The following MEIS3 variants were observed in gnomAD, a reference collection of about 807,000 sequenced individuals.
MEIS3 encodes Meis homeobox 3, also known as homeobox protein Meis3.
In MEIS3, 38 loss-of-function variants were observed where a neutral mutation model predicts 51.4. The ratio of observed to expected loss-of-function variants is 0.74; its 90% confidence interval spans 0.57 to 0.97. The LOEUF is 0.97. Ranked by LOEUF, MEIS3 falls within the 50% of genes least tolerant of loss-of-function variation. The pLI is 0.00. For synonymous variants in MEIS3, 198 were observed against 201.8 expected (o/e 0.98, Z 0.16); for missense variants, 456 against 502.6 (o/e 0.91, Z 0.89).
chr19:47,417,227 G>C lies in MEIS3; in HGVS notation c.136C>G (p.Pro46Ala). Residue 46 changes from proline (P) to alanine (A), a missense_variant, in exon 2 of 13, where the codon CCA (proline) becomes GCA (alanine). By Grantham distance (27) the Pro-to-Ala change is conservative. Coordinates refer to ENST00000558555, the MANE Select transcript of MEIS3 (RefSeq NM_001301059.2). ...GPHRPPQPLP[P>A]GLDSDGLKRE... ...TTCAGGCCGTCGCTGTCCAAGCCTGGGGGCAGGGGCTGGGGAGGCCGGTGC... is the reference window on the plus strand; with the variant it reads ...TTCAGGCCGTCGCTGTCCAAGCCTGCGGGCAGGGGCTGGGGAGGCCGGTGC... The C allele has an allele frequency of 6.3e-7, 1 of 1,589,948 alleles. No homozygotes were observed.
intron 12 of MEIS3, among the ~76,000 whole-genome samples, chr19:47,405,473 T>A (rs191789726): frequency 6.6e-6 from 1 of 152,268 alleles, no homozygotes; most frequent in Admixed American, 6.5e-5. Context: ...CACTGGATTG[T>A]CACTGGGGTT....
chr19:47,417,925 ACACACACATG>A lies in MEIS3; in HGVS notation c.13-585_13-576del, dbSNP rs1568431303. The A allele has an allele frequency of 1.9e-3, 1,084 of 566,282 alleles. 7 individuals are homozygous for A. In the African/African-American group the frequency reaches 0.019, roughly 10 times the overall value. 35.1% of individuals were successfully genotyped at this position (566,282 alleles called of 1,614,324 possible). A position where few individuals can be genotyped will look rare whatever the true frequency, so the allele number is the denominator to read the frequency against. On this transcript the variant is annotated intron_variant, in intron 1 of 12. Coordinates refer to ENST00000558555, the MANE Select transcript of MEIS3 (RefSeq NM_001301059.2). ...CAGTCACACCCAAATCCCCCCCCCC[ACACACACATG>A]CACACACACATGCACACAGCCCAAC...
In MEIS3 at chr19:47,403,506, G is replaced by A; in HGVS notation, c.*65C>T. On this transcript the variant is annotated 3_prime_UTR_variant, in exon 13 of 13. Transcript: ENST00000558555. ...GGTCCTGAAGCTGGAGGACCAGGCG[G>A]GAACCAGAGGCAGGTGTGAGGCTGG... 2.2e-6 allele frequency: 1 copy of A among 455,950 alleles called. No individual in the cohort carries two copies. Among genetic ancestry groups the A allele is most frequent in the South Asian group, 1.6e-5 (1 of 64,466 alleles). The allele number at this position is 455,950 out of a possible 1,614,324, so 28.2% of individuals were successfully genotyped here.
At position 47,419,253 on chromosome 19, in the gene MEIS3, G is replaced by A. The variant is rs963936328; in HGVS notation, c.-172C>T. Reference sequence around the variant, plus strand: ...CCGTCAGCGGCAGGCGCCGGGCCGGGTGGGGACTCCGCGCATGGACCCCGG... The same window carrying A: ...CCGTCAGCGGCAGGCGCCGGGCCGGATGGGGACTCCGCGCATGGACCCCGG... On this transcript the variant is annotated 5_prime_UTR_variant, in exon 1 of 13. Transcript: ENST00000558555. 1.4e-4 allele frequency: 47 copies of A among 339,900 alleles called. No homozygotes were observed. The highest frequency in any genetic ancestry group is 2.0e-4 in the Non-Finnish European group (40 of 196,256). The allele number at this position is 339,900 out of a possible 1,614,324, so 21.1% of individuals were successfully genotyped here. A position where few individuals can be genotyped will look rare whatever the true frequency, so the allele number is the denominator to read the frequency against.
At position 47,414,855 on chromosome 19, in the gene MEIS3, C is replaced by T. The variant is rs769229453; in HGVS notation, c.459G>A (p.Leu153=). ...TGTAGCGGTGACAGAAGTTGTCGCA[C>T]AGGTCGTGGACCTGGGGGGGCACCG... is the stretch of plus-strand genomic sequence containing the variant. ...HLLELEKVHD[L]CDNFCHRYIT... is the part of the protein sequence containing the mutation. Residue 153 remains leucine, a synonymous_variant, in exon 6 of 13, where the codon CTG becomes CTA. Coordinates refer to ENST00000558555, the MANE Select transcript of MEIS3 (RefSeq NM_001301059.2). 10 of 1,602,474 alleles carry T rather than the reference C, an allele frequency of 6.2e-6. No homozygotes were observed. The East Asian group carries it at 2.0e-4, about 32-fold the overall frequency.
At chr19:47,418,793 G>A in intron 1 of MEIS3, 1 of 359,568 alleles carries the variant, frequency 2.8e-6, no homozygotes, top group Non-Finnish European at 5.0e-6. Flanking sequence ...CAGAAAGGAG[G>A]AGGAGAGTGG....
Position 47,409,484 on chromosome 19 carries a change from A to G in MEIS3, c.661T>C (p.Ser221Pro), listed in dbSNP as rs1971016953. 6.2e-7 allele frequency: 1 copy of G among 1,614,082 alleles called. No homozygotes were observed. The stretch of plus-strand genomic sequence containing the variant: ...CTCTGGGAGGCCAGGCCCCCACTGG[A>G]TGGACCTGGGGTCCCCAAATGTACA... ...GSVHLGTPGP[S>P]SGGLASQSGD... The change falls in exon 7 of 13, where the codon TCC (serine) becomes CCC (proline). Residue 221 changes from serine (S) to proline (P), a missense_variant. Ser to Pro is a moderately conservative substitution (Grantham distance 74). Coordinates refer to ENST00000558555, the MANE Select transcript of MEIS3 (RefSeq NM_001301059.2).
upstream of MEIS3, among the ~76,000 whole-genome samples, chr19:47,422,168 C>A (rs1298694487): frequency 6.6e-6 from 1 of 152,114 alleles, no homozygotes; most frequent in East Asian, 1.9e-4. Flanking sequence ...CTTCCCCTCC[C>A]GCCCCACCAA....
rs775089659 is a variant in MEIS3, at chr19:47,416,906, G to A, written c.243C>T (p.Cys81=). 6.2e-7 allele frequency: 1 copy of A among 1,612,702 alleles called. No individual in the cohort carries two copies. The highest frequency in any genetic ancestry group is 1.7e-5 in the Admixed American group (1 of 59,694). ...LVFEKCELAT[C]SPRDGAGAGL... ...CAGCTCCGGCCCCGTCACGGGGAGA[G>A]CATGTAGCCAGTTCACATTTCTCAA... Residue 81 remains cysteine (C), a synonymous_variant, in exon 3 of 13, where the codon TGC becomes TGT. Coordinates refer to ENST00000558555, the MANE Select transcript of MEIS3 (RefSeq NM_001301059.2).
At chr19:47,419,005 TG>T in intron 1 of MEIS3, 64 bp downstream of exon 1, 1 of 842,994 alleles carries the variant, frequency 1.2e-6, no homozygotes, top group Non-Finnish European at 1.4e-6. Flanking sequence ...CGCCGGAGAG[TG>T]GGGGATGCAG....
Position 47,409,365 on chromosome 19 carries a change from TCTTA to T in MEIS3, c.709+67_709+70del, listed in dbSNP as rs533584454. The T allele has an allele frequency of 3.8e-6, 6 of 1,576,560 alleles. No individual in the cohort carries two copies. In the South Asian group the frequency reaches 5.5e-5, roughly 15 times the overall value. ...CCAGCCATCTCTGCCCCTCTACAAG[TCTTA>T]CTTGCGATCTAACTTCAATCCTCTG... On this transcript the variant is annotated intron_variant, in intron 7 of 12. Coordinates refer to ENST00000558555, the MANE Select transcript of MEIS3 (RefSeq NM_001301059.2).
intron 4 of MEIS3, among the ~76,000 whole-genome samples, chr19:47,415,417 CT>C (rs1216401696): frequency 6.6e-6 from 1 of 152,082 alleles, no homozygotes; most frequent in Non-Finnish European, 1.5e-5. Flanking sequence ...CATCCTCTGC[CT>C]GTTGGCCCCC....
chr19:47,419,046 C>T (rs1189232898), intron 1 of MEIS3, 24 bp downstream of exon 1: 4 of 1,241,478 alleles, frequency 3.2e-6, no homozygotes, highest in Non-Finnish European at 4.0e-6. Flanking sequence ...GGCCGGGACG[C>T]GGGGTCCCCG....
rs941617641 is a variant in MEIS3, at chr19:47,414,847, T to C, written c.467A>G (p.Asn156Ser). The C allele has an allele frequency of 2.1e-5, 34 of 1,601,498 alleles. No homozygotes were observed. The highest frequency in any genetic ancestry group is 2.9e-5 in the Non-Finnish European group (34 of 1,173,420). ...GCAGGTGATGTAGCGGTGACAGAAG[T>C]TGTCGCACAGGTCGTGGACCTGGGG... ...ELEKVHDLCD[N>S]FCHRYITCLK... is the part of the protein sequence containing the mutation. Residue 156 changes from asparagine to serine, a missense_variant, in exon 6 of 13, where the codon AAC (asparagine) becomes AGC (serine). Transcript: ENST00000558555.
rs765823053 is a variant in MEIS3, at chr19:47,416,776, C to T, written c.345+28G>A. 1.7e-5 allele frequency: 27 copies of T among 1,612,518 alleles called. No homozygotes were observed. In the East Asian group the frequency reaches 3.3e-4, roughly 20 times the overall value. On this transcript the variant is annotated intron_variant, in intron 3 of 12. Transcript: ENST00000558555. Reference sequence around the variant, plus strand: ...ACCCCTCCTCGCTGGCTCTCTGACTCGGTGTGTGGTGGGTGGGAGGTGCCC... The same window carrying T: ...ACCCCTCCTCGCTGGCTCTCTGACTTGGTGTGTGGTGGGTGGGAGGTGCCC...
At chr19:47,420,425 G>T (rs1478254901), upstream of MEIS3, among the ~76,000 whole-genome samples, 1 of 151,162 alleles carries the variant, frequency 6.6e-6, no homozygotes, top group Middle Eastern at 3.2e-3. Context: ...GTGGTGGGGG[G>T]CGTGGACAGA....
rs777052534 is a variant in MEIS3 at position 47,409,268 on chromosome 19, T to A, written c.710-21A>T. 15 of 1,600,290 alleles carry A rather than the reference T, an allele frequency of 9.4e-6. No homozygotes were observed. The South Asian group carries it at 1.7e-4, about 18-fold the overall frequency. On this transcript the variant is annotated intron_variant, in intron 7 of 12. Coordinates refer to ENST00000558555, the MANE Select transcript of MEIS3 (RefSeq NM_001301059.2). ...GTCTCCTGAGGGAAGGCAGGCATGC[T>A]GTGTGTGTGGGTAGTGAAGAGTGGA...
intron 6 of MEIS3, among the ~76,000 whole-genome samples, chr19:47,413,168 G>A (rs1438701196): frequency 1.3e-5 from 2 of 151,686 alleles, no homozygotes; most frequent in African/African-American, 2.4e-5. Context: ...AGGCCGAGGC[G>A]GGAGGATCAC....
At position 47,407,633 on chromosome 19, in the gene MEIS3, C is replaced by A. The variant is rs1445636317; in HGVS notation, c.859-205G>T. 13 of 1,330,506 alleles carry A rather than the reference C, an allele frequency of 9.8e-6. No homozygotes were observed. In the Admixed American group the frequency reaches 2.4e-4, roughly 24 times the overall value. 82.4% of individuals were successfully genotyped at this position (1,330,506 alleles called of 1,614,324 possible). A position where few individuals can be genotyped will look rare whatever the true frequency, so the allele number is the denominator to read the frequency against. ...GGGCAATTACATGCCTGCCAGCCCC[C>A]GCCTGTTCCAGCAATTAGAGGTTAA... On this transcript the variant is annotated intron_variant, in intron 8 of 12. Coordinates refer to ENST00000558555, the MANE Select transcript of MEIS3 (RefSeq NM_001301059.2).
Sources: gnomAD v4.1 joint callset for allele counts (sites outside exome capture counted in the v4.1 genomes callset) on GRCh38, gnomAD v4.1.1 for gene constraint, MANE v1.5 for transcripts, NCBI Gene and HGNC (gene_info 2026-07-23, HGNC 2026-07-21) for gene names.